BRD7: variants seen among roughly 807,000 people sequenced by gnomAD.
BRD7 encodes bromodomain-containing protein 7.
In BRD7, 15 loss-of-function variants were observed where a neutral mutation model predicts 82.1. That is an observed-to-expected ratio of 0.18 (90% CI 0.12 to 0.28). The LOEUF is 0.28. BRD7 is among the 10% of genes least tolerant of loss of function. The pLI is 1.00. For missense variants in BRD7, 638 were observed against 779.9 expected, an observed-to-expected ratio of 0.82 and a Z score of 2.17; for synonymous variants, 232 against 266.9, an observed-to-expected ratio of 0.87 and a Z score of 1.27.
intron 2 of BRD7, among the ~76,000 whole-genome samples, chr16:50,361,176 C>G (rs571353934): frequency 6.6e-6 from 1 of 152,252 alleles, no homozygotes; most frequent in South Asian, 2.1e-4. Flanking sequence ...GTCTGGCAGA[C>G]AGTAAACACT....
At chr16:50,323,766 A>C in intron 11 of BRD7, 68 bp from the exon 12 acceptor site, 1 of 1,167,714 alleles carries the variant, frequency 8.6e-7, no homozygotes, top group East Asian at 2.3e-5. Context: ...CATCAGAGCC[A>C]ACTGTTTCCA....
chr16:50,324,966 A>C (rs754448528), intron 11 of BRD7, among the ~76,000 whole-genome samples: 25 of 152,362 alleles, frequency 1.6e-4, no homozygotes, highest in South Asian at 1.0e-3. Flanking sequence ...AAACAACAAC[A>C]ACCAAACCAC....
chr16:50,320,123 CA>C, intron 15 of BRD7, 93 bp from the exon 16 acceptor site: 1 of 1,494,192 alleles, frequency 6.7e-7, no homozygotes, highest in Middle Eastern at 1.8e-4. Flanking sequence ...GCAAAGAAAA[CA>C]AAACAAAAAA....
At chr16:50,322,818 A>AT (rs2037176678) in intron 12 of BRD7, among the ~76,000 whole-genome samples, 1 of 152,200 alleles carries the variant, frequency 6.6e-6, no homozygotes, top group Admixed American at 6.5e-5. Context: ...GTAAAATTTC[A>AT]TTTTTTAGGT....
chr16:50,322,506 A>G (rs1446777889), intron 12 of BRD7, among the ~76,000 whole-genome samples: 4 of 152,224 alleles, frequency 2.6e-5, no homozygotes, highest in African/African-American at 9.6e-5. Flanking sequence ...CAGGAACAAG[A>G]GACAAATATA....
chr16:50,321,807 A>G (rs2037128315), intron 13 of BRD7, among the ~76,000 whole-genome samples, 175 bp downstream of exon 13: 1 of 152,138 alleles, frequency 6.6e-6, no homozygotes, highest in Non-Finnish European at 1.5e-5. Context: ...AAACTGTATA[A>G]TTGTGCAACT....
rs1461565117 is a variant in BRD7 at position 50,317,837 on chromosome 16, G to A, written c.*1374C>T. 2.6e-5 allele frequency: 4 copies of A among 152,256 alleles called. No homozygotes were observed. The highest frequency in any genetic ancestry group is 9.7e-5 in the African/African-American group (4 of 41,396). The allele number at this position is 152,256 out of a possible 1,614,324, so 9.4% of individuals were successfully genotyped here. On this transcript the variant is annotated 3_prime_UTR_variant, in exon 17 of 17. Transcript: ENST00000394688. The stretch of plus-strand genomic sequence containing the variant: ...CAAGGACTTCCTTACAATTTCTCCT[G>A]AGTTAACTTTTGTGAAAATAATACC...
chr16:50,334,996 C>G (rs2037739414), intron 6 of BRD7, 101 bp from the exon 7 acceptor site: 4 of 1,183,622 alleles, frequency 3.4e-6, no homozygotes, highest in Non-Finnish European at 3.5e-6. Flanking sequence ...TGTCATTAAC[C>G]AGGGAAGAAA....
rs1464256596 is a variant in BRD7, at chr16:50,319,053, A to G, written c.*158T>C. 7.5e-6 allele frequency: 5 copies of G among 662,504 alleles called. No homozygotes were observed. The African/African-American group carries it at 9.3e-5, about 12-fold the overall frequency. 41.0% of individuals were successfully genotyped at this position (662,504 alleles called of 1,614,324 possible). ...CCTCACGAGTCCCAGGTCCAGCTTT[A>G]TTACCTAATACAAGTCCAACCTCTG... On this transcript the variant is annotated 3_prime_UTR_variant, in exon 17 of 17. Transcript: ENST00000394688.
intron 9 of BRD7, among the ~76,000 whole-genome samples, chr16:50,327,996 T>C (rs1245402068): frequency 1.9e-5 from 1 of 52,882 alleles, no homozygotes; most frequent in Non-Finnish European, 3.7e-5. Context: ...TCTTTCATTA[T>C]GACAGTATGA....
At chr16:50,323,858 A>G (rs940690236) in intron 11 of BRD7, among the ~76,000 whole-genome samples, 160 bp from the exon 12 acceptor site, 2 of 152,254 alleles carry the variant, frequency 1.3e-5, no homozygotes, top group South Asian at 4.1e-4. Context: ...TAGCAATAAC[A>G]TTATCATGAG....
At chr16:50,333,026 T>G (rs144886251) in intron 8 of BRD7, among the ~76,000 whole-genome samples, 1 of 152,160 alleles carries the variant, frequency 6.6e-6, no homozygotes. Flanking sequence ...AACTTCCTAC[T>G]GGGTACTATG....
chr16:50,342,966 T>C (rs1189958869), intron 5 of BRD7, among the ~76,000 whole-genome samples: 4 of 152,212 alleles, frequency 2.6e-5, no homozygotes, highest in Admixed American at 1.3e-4. Context: ...AAACCTCATC[T>C]ATAATAGGTA....
At chr16:50,365,981 G>A (rs1052651634) in intron 2 of BRD7, among the ~76,000 whole-genome samples, 1 of 152,090 alleles carries the variant, frequency 6.6e-6, no homozygotes, top group South Asian at 2.1e-4. Flanking sequence ...AAGATAAGGG[G>A]GGAAGATCCT....
intron 11 of BRD7, among the ~76,000 whole-genome samples, chr16:50,325,295 T>A (rs749728949): frequency 6.6e-6 from 1 of 152,222 alleles, no homozygotes; most frequent in Admixed American, 6.5e-5. Flanking sequence ...CTACCTGGCA[T>A]GTGATTGGTC....
intron 5 of BRD7, among the ~76,000 whole-genome samples, chr16:50,341,642 C>CAAA (rs5816690): frequency 0.22 from 22,749 of 105,604 alleles, 2,485 homozygotes; most frequent in East Asian, 0.32. Flanking sequence ...GACTCGGTCT[C>CAAA]AAAAAAAAAA....
chr16:50,359,852 C>T (rs1355210659), intron 2 of BRD7, among the ~76,000 whole-genome samples: 1 of 151,814 alleles, frequency 6.6e-6, no homozygotes, highest in Non-Finnish European at 1.5e-5. Flanking sequence ...AAGAATCTAG[C>T]TAGGTTGGGG....
intron 5 of BRD7, among the ~76,000 whole-genome samples, chr16:50,348,619 C>A (rs963914568): frequency 1.7e-4 from 26 of 152,296 alleles, no homozygotes; most frequent in African/African-American, 6.3e-4. Context: ...ACAGACACTT[C>A]TCAAAAGAAG....
intron 6 of BRD7, among the ~76,000 whole-genome samples, chr16:50,338,520 T>C (rs2037912287): frequency 6.6e-6 from 1 of 152,234 alleles, no homozygotes; most frequent in Non-Finnish European, 1.5e-5. Flanking sequence ...CACATGCAGA[T>C]GCACGACTCA....
Sources: allele counts gnomAD v4.1 joint callset (sites outside exome capture counted in the v4.1 genomes callset), GRCh38; gene constraint gnomAD v4.1.1; transcripts MANE v1.5; gene names NCBI Gene and HGNC (gene_info 2026-07-23, HGNC 2026-07-21).